Variants in PTPRT observed in about 807,000 individuals in gnomAD.
PTPRT encodes the protein protein tyrosine phosphatase receptor type T.
Under a neutral mutation model 176.8 loss-of-function variants are expected in PTPRT, and 56 were observed. That is an observed-to-expected ratio of 0.32 (90% CI 0.26 to 0.40). The LOEUF (loss-of-function observed/expected upper bound fraction) is 0.40. Among genes scored for constraint, PTPRT ranks in the 10% least tolerant of loss-of-function variants. PTPRT has a pLI of 1.00. For missense variants in PTPRT, 1,540 were observed against 1,908.2 expected, an observed-to-expected ratio of 0.81 and a Z score of 3.60; for synonymous variants, 783 against 739.0, an observed-to-expected ratio of 1.06 and a Z score of -0.96.
intron 22 of PTPRT, among the ~76,000 whole-genome samples, chr20:42,114,840 T>C (rs1328140888): frequency 6.6e-6 from 1 of 152,186 alleles, no homozygotes; most frequent in East Asian, 1.9e-4. Context: ...CTTTCCTTTC[T>C]ACCCTTCACT....
At chr20:42,086,193 C>G (rs1983888584) in intron 27 of PTPRT, among the ~76,000 whole-genome samples, 2 of 152,256 alleles carry the variant, frequency 1.3e-5, no homozygotes, top group South Asian at 2.1e-4. Context: ...CCTGTCCCAG[C>G]CTCCCAGAGT....
chr20:42,367,343 A>G (rs1222134203), intron 9 of PTPRT, among the ~76,000 whole-genome samples: 1 of 152,174 alleles, frequency 6.6e-6, no homozygotes, highest in Non-Finnish European at 1.5e-5. Flanking sequence ...AACATCAGAG[A>G]GGGTGTTTGA....
At chr20:42,905,021 A>T (rs943441119) in intron 1 of PTPRT, among the ~76,000 whole-genome samples, 3 of 152,210 alleles carry the variant, frequency 2.0e-5, no homozygotes, top group African/African-American at 7.2e-5. Flanking sequence ...GGACTTCATG[A>T]CTGAAACACC....
chr20:42,609,071 CT>C (rs926938123), intron 7 of PTPRT, among the ~76,000 whole-genome samples: 17 of 151,954 alleles, frequency 1.1e-4, no homozygotes, highest in African/African-American at 2.7e-4. Context: ...CACTCCAACA[CT>C]TTTTTTTCTT....
intron 1 of PTPRT, among the ~76,000 whole-genome samples, chr20:43,177,461 A>G (rs1314011417): frequency 6.6e-6 from 1 of 152,238 alleles, no homozygotes. Context: ...GGATGCTCTC[A>G]AATTAGACAT....
chr20:43,143,118 C>T (rs566671266), intron 1 of PTPRT, among the ~76,000 whole-genome samples: 4 of 152,276 alleles, frequency 2.6e-5, no homozygotes, highest in African/African-American at 7.2e-5. Flanking sequence ...CCATAAGGAA[C>T]GGTGTTGATG....
At chr20:42,668,175 T>G (rs1195778272) in intron 7 of PTPRT, among the ~76,000 whole-genome samples, 1 of 152,204 alleles carries the variant, frequency 6.6e-6, no homozygotes, top group Non-Finnish European at 1.5e-5. Flanking sequence ...ATTTTTTCCC[T>G]TTTAAAAACG....
At chr20:42,798,747 C>G (rs1418493267) in intron 2 of PTPRT, among the ~76,000 whole-genome samples, 1 of 151,982 alleles carries the variant, frequency 6.6e-6, no homozygotes, top group Non-Finnish European at 1.5e-5. Context: ...TCATTCAGAC[C>G]GGTAAGTTGG....
chr20:42,681,283 C>T (rs140593803), intron 6 of PTPRT, among the ~76,000 whole-genome samples: 2 of 152,250 alleles, frequency 1.3e-5, no homozygotes, highest in East Asian at 3.9e-4. Flanking sequence ...GAAAAGGAAA[C>T]CCCTGTGTAT....
intron 1 of PTPRT, among the ~76,000 whole-genome samples, chr20:43,081,630 A>C (rs755121369): frequency 1.6e-4 from 24 of 152,046 alleles, no homozygotes; most frequent in Non-Finnish European, 3.1e-4. Context: ...CTACCTTATT[A>C]TTTTAATCCT....
intron 27 of PTPRT, among the ~76,000 whole-genome samples, chr20:42,086,753 A>ATATATATATATATAT (rs60067837): frequency 2.6e-4 from 25 of 95,438 alleles, no homozygotes; most frequent in Non-Finnish European, 3.6e-4. Context: ...AAAAAAAAAA[A>ATATATATATATATAT]ATATATATAT....
intron 9 of PTPRT, among the ~76,000 whole-genome samples, chr20:42,411,544 A>G (rs1600979550): frequency 6.6e-6 from 1 of 151,110 alleles, no homozygotes; most frequent in South Asian, 2.1e-4. Flanking sequence ...AAAAAAAGAA[A>G]AAAGAAAAGA....
chr20:42,061,092 T>G, the PTPRT span, among the ~76,000 whole-genome samples: 3 of 152,200 alleles, frequency 2.0e-5, no homozygotes, highest in African/African-American at 7.2e-5. Flanking sequence ...TTTGTATTAG[T>G]CAAGATATGC....
At chr20:42,416,791 A>C (rs142963003) in intron 9 of PTPRT, among the ~76,000 whole-genome samples, 1 of 152,340 alleles carries the variant, frequency 6.6e-6, no homozygotes, top group East Asian at 1.9e-4. Flanking sequence ...TAAGACAAGC[A>C]ATGTGGAAAA....
rs139320687 is a variant in PTPRT, at chr20:42,271,521, C to T, written c.2176+10968G>A. On this transcript the variant is annotated intron_variant, in intron 13 of 30. Coordinates refer to ENST00000373187, the MANE Select transcript of PTPRT (RefSeq NM_007050.6). The stretch of plus-strand genomic sequence containing the variant: ...TCTGTAGTCTCCTTGAAAGCAGACA[C>T]GGTGTCCCATTTACTAGTGTACTCA... Among the ~76,000 whole-genome samples the T allele has an allele frequency of 2.3e-3, 351 of 152,300 alleles. 2 individuals carry two copies. The highest frequency in any genetic ancestry group is 8.0e-3 in the African/African-American group (334 of 41,568).
At chr20:42,687,249 A>G (rs1477948283) in intron 6 of PTPRT, 1 of 152,164 alleles carries the variant, frequency 6.6e-6, no homozygotes, top group Non-Finnish European at 1.5e-5. Flanking sequence ...CAGGATCAAG[A>G]CAGTCTACAG....
At chr20:42,661,284 G>A (rs1034515209) in intron 7 of PTPRT, among the ~76,000 whole-genome samples, 2 of 152,116 alleles carry the variant, frequency 1.3e-5, no homozygotes, top group Non-Finnish European at 2.9e-5. Context: ...AAACTTTTCT[G>A]TAAAATATTT....
chr20:42,177,994 G>A (rs1990363196), intron 16 of PTPRT, among the ~76,000 whole-genome samples: 1 of 151,448 alleles, frequency 6.6e-6, no homozygotes, highest in Admixed American at 6.6e-5. Flanking sequence ...CTAGAGTGCA[G>A]TGGCATGATC....
chr20:42,339,152 T>G (rs1269079454), intron 11 of PTPRT, among the ~76,000 whole-genome samples: 1 of 152,202 alleles, frequency 6.6e-6, no homozygotes, highest in Non-Finnish European at 1.5e-5. Context: ...AGAACACAGA[T>G]TTGTTCAGAT....
Sources: allele counts gnomAD v4.1 joint callset (sites outside exome capture counted in the v4.1 genomes callset), GRCh38; gene constraint gnomAD v4.1.1; transcripts MANE v1.5; gene names NCBI Gene and HGNC (gene_info 2026-07-23, HGNC 2026-07-21).